Variants in CLSTN1 observed in about 807,000 individuals in gnomAD.
CLSTN1 encodes calsyntenin-1.
In CLSTN1, 28 loss-of-function variants were observed where a neutral mutation model predicts 108.3. The observed-to-expected ratio is 0.26, with a 90% CI of 0.19 to 0.35. CLSTN1 has a LOEUF of 0.35. Among genes scored for constraint, CLSTN1 ranks in the 10% least tolerant of loss-of-function variants. CLSTN1 has a pLI of 1.00. For missense variants in CLSTN1, 1,157 were observed against 1,302.6 expected (o/e 0.89, Z 1.72); for synonymous variants, 524 against 534.9 (o/e 0.98, Z 0.28).
At chr1:9,799,297 A>G (rs1357024919) in intron 1 of CLSTN1, among the ~76,000 whole-genome samples, 1 of 152,200 alleles carries the variant, frequency 6.6e-6, no homozygotes, top group East Asian at 1.9e-4. Flanking sequence ...GGAAAACCTA[A>G]GCTGTAATCG....
At chr1:9,817,786 G>A (rs975537852) in intron 1 of CLSTN1, among the ~76,000 whole-genome samples, 3 of 152,068 alleles carry the variant, frequency 2.0e-5, no homozygotes, top group African/African-American at 7.2e-5. Context: ...ATCAAAAAAT[G>A]AGCAAAAATA....
chr1:9,782,451 A>C (rs901574402), intron 1 of CLSTN1, among the ~76,000 whole-genome samples: 1 of 152,230 alleles, frequency 6.6e-6, no homozygotes, highest in African/African-American at 2.4e-5. Flanking sequence ...TGTTTCAAAA[A>C]AAAACTAAAC....
intron 9 of CLSTN1, among the ~76,000 whole-genome samples, chr1:9,741,664 C>T (rs767346945): frequency 1.1e-4 from 17 of 152,202 alleles, no homozygotes; most frequent in Non-Finnish European, 2.2e-4. Flanking sequence ...GTAATCCCAG[C>T]ACTTTGGGAG....
At chr1:9,779,018 C>T (rs1557711252) in intron 1 of CLSTN1, among the ~76,000 whole-genome samples, 3 of 144,824 alleles carry the variant, frequency 2.1e-5, no homozygotes, top group Admixed American at 1.4e-4. Flanking sequence ...CGAGAGACTT[C>T]GTCTCAAAAA....
At chr1:9,760,382 C>T (rs1056632464) in intron 2 of CLSTN1, among the ~76,000 whole-genome samples, 10 of 152,156 alleles carry the variant, frequency 6.6e-5, no homozygotes, top group African/African-American at 2.4e-4. Context: ...CCGAGCCCAT[C>T]ACTGCAGAGC....
rs34247091 is a variant in CLSTN1 at position 9,802,823 on chromosome 1, A to ATTT, written c.91+20817_91+20819dup. The stretch of plus-strand genomic sequence containing the variant: ...ATAATTAAGGAGCTGATTTTCTTAG[A>ATTT]TTTTTTTTTTTTTTTTTTTGAGACA... On this transcript the variant is annotated intron_variant, in intron 1 of 18. Transcript: ENST00000377298. 1.0e-3 allele frequency among the ~76,000 whole-genome samples: 137 copies of ATTT among 130,510 alleles called. 3 individuals are homozygous for ATTT. Among genetic ancestry groups the ATTT allele is most frequent in the African/African-American group, 1.8e-3 (64 of 34,846 alleles). The allele number at this position is 130,510 out of a possible 152,430, so 85.6% of individuals were successfully genotyped here. A position where few individuals can be genotyped will look rare whatever the true frequency, so the allele number is the denominator to read the frequency against.
At chr1:9,810,881 C>T (rs1256810046) in intron 1 of CLSTN1, among the ~76,000 whole-genome samples, 1 of 152,140 alleles carries the variant, frequency 6.6e-6, no homozygotes, top group African/African-American at 2.4e-5. Flanking sequence ...TCCGGATCCT[C>T]TCTCCTCTCT....
rs1655287599 is a variant in CLSTN1, at chr1:9,823,792, A to AGCTCTCGGG, written c.-68_-60dup. On this transcript the variant is annotated 5_prime_UTR_variant, in exon 1 of 19. Coordinates refer to ENST00000377298, the MANE Select transcript of CLSTN1 (RefSeq NM_001009566.3). This position sits in a 1 kb window ranked among gnomAD's most constrained non-coding sequence, Gnocchi z 6.3. ...GCGGGACGCCGAGCGGAGCTCTCGG[A>AGCTCTCGGG]GCTCTCGGGGCTCTAGGGGCCTGGG... 1.1e-6 allele frequency: 1 copy of AGCTCTCGGG among 886,756 alleles called. No individual in the cohort carries two copies. The highest frequency in any genetic ancestry group is 1.8e-5 in the African/African-American group (1 of 54,378). 54.9% of individuals were successfully genotyped at this position (886,756 alleles called of 1,614,324 possible).
rs1570424489 is a variant in CLSTN1, at chr1:9,729,411, C to G, written c.*1097G>C. On this transcript the variant is annotated 3_prime_UTR_variant, in exon 19 of 19. Coordinates refer to ENST00000377298, the MANE Select transcript of CLSTN1 (RefSeq NM_001009566.3). ...CTGGGGGAGAGGGATTTCAACCCCC[C>G]TGATGGCAGGGGGTGCTCTGGGGAG... The G allele has an allele frequency of 6.6e-6, 1 of 152,644 alleles. No individual in the cohort carries two copies. The highest frequency in any genetic ancestry group is 1.5e-5 in the Non-Finnish European group (1 of 68,038). 9.5% of individuals were successfully genotyped at this position (152,644 alleles called of 1,614,324 possible). A position where few individuals can be genotyped will look rare whatever the true frequency, so the allele number is the denominator to read the frequency against.
At chr1:9,824,238 GA>G (rs990050401), upstream of CLSTN1, 2 of 151,346 alleles carry the variant, frequency 1.3e-5, no homozygotes, top group African/African-American at 4.8e-5. The surrounding 1 kb of genome is among the most constrained non-coding windows in gnomAD (Gnocchi z 5.0). Flanking sequence ...GGGCCCGGGG[GA>G]CTGTATCCCT....
At chr1:9,824,140 A>C (rs1287728454), upstream of CLSTN1, 1 of 143,468 alleles carries the variant, frequency 7.0e-6, no homozygotes, top group Non-Finnish European at 1.5e-5. This position sits in a 1 kb window ranked among gnomAD's most constrained non-coding sequence, Gnocchi z 5.0. Context: ...CGGACCCGGC[A>C]GCGGGCGCGC....
At chr1:9,813,974 C>A (rs1361782482) in intron 1 of CLSTN1, among the ~76,000 whole-genome samples, 1 of 151,804 alleles carries the variant, frequency 6.6e-6, no homozygotes, top group Non-Finnish European at 1.5e-5. Flanking sequence ...CAGTGGCAGG[C>A]ACCTGTAGTT....
chr1:9,747,113 G>T (rs1049907473), intron 7 of CLSTN1, among the ~76,000 whole-genome samples: 1 of 141,760 alleles, frequency 7.1e-6, no homozygotes, highest in African/African-American at 2.6e-5. Flanking sequence ...CCAGGAGGCA[G>T]ACGTTGCAGT....
intron 1 of CLSTN1, among the ~76,000 whole-genome samples, chr1:9,781,775 A>G (rs2101191159): frequency 6.6e-6 from 1 of 152,080 alleles, no homozygotes; most frequent in African/African-American, 2.4e-5. Flanking sequence ...TAATGCTTCC[A>G]CATCGCCATG....
At chr1:9,731,151 G>A (rs762510241) in intron 18 of CLSTN1, 55 bp downstream of exon 18, 22 of 1,603,342 alleles carry the variant, frequency 1.4e-5, no homozygotes, top group South Asian at 1.1e-4. Flanking sequence ...CCGGCTTCTC[G>A]GAGGCCCTGG....
rs575885629 is a variant in CLSTN1, at chr1:9,770,788, G to A, written c.214+2484C>T. Among the ~76,000 whole-genome samples, 419 of 152,308 alleles carry A rather than the reference G, an allele frequency of 2.8e-3. 2 individuals are homozygous for A. Among genetic ancestry groups the A allele is most frequent in the Admixed American group, 4.7e-3 (72 of 15,302 alleles). On this transcript the variant is annotated intron_variant, in intron 2 of 18. Coordinates refer to ENST00000377298, the MANE Select transcript of CLSTN1 (RefSeq NM_001009566.3). ...GCAGGCGCATCACCTGAGGTCAGGA[G>A]TTCAAGACCAGCCTGGCCAACACGG...
intron 1 of CLSTN1, among the ~76,000 whole-genome samples, chr1:9,792,032 C>T (rs1033349342): frequency 1.3e-5 from 2 of 150,740 alleles, no homozygotes; most frequent in Admixed American, 6.8e-5. Flanking sequence ...GCCTGTAATC[C>T]CAGCTACTCG....
intron 1 of CLSTN1, among the ~76,000 whole-genome samples, chr1:9,799,771 T>C (rs1461696967): frequency 6.6e-6 from 1 of 151,358 alleles, no homozygotes; most frequent in African/African-American, 2.4e-5. Flanking sequence ...TGAAAACCCG[T>C]CTCTACTAAA....
At chr1:9,780,344 A>C (rs1653184276) in intron 1 of CLSTN1, among the ~76,000 whole-genome samples, 1 of 152,212 alleles carries the variant, frequency 6.6e-6, no homozygotes, top group Non-Finnish European at 1.5e-5. Context: ...AAATGAATTT[A>C]TGTCTTTATT....
Sources: allele counts gnomAD v4.1 joint callset (sites outside exome capture counted in the v4.1 genomes callset), GRCh38; gene constraint gnomAD v4.1.1; non-coding constraint Gnocchi (gnomAD v3.1); transcripts MANE v1.5; gene names NCBI Gene and HGNC (gene_info 2026-07-23, HGNC 2026-07-21).